Variants in KATNIP observed in about 807,000 individuals in gnomAD.
The protein encoded by KATNIP is katanin-interacting protein.
KATNIP carries 126 observed loss-of-function variants against 174.0 expected under a neutral mutation model. That is an observed-to-expected ratio of 0.72 (90% CI 0.63 to 0.84). The LOEUF (loss-of-function observed/expected upper bound fraction) is 0.84, where lower values mean the gene tolerates loss of function less well. Among genes scored for constraint, KATNIP ranks in the 40% least tolerant of loss-of-function variants. The probability of loss-of-function intolerance (pLI) is 0.00; values close to 1 mark genes in which losing one functional copy is unlikely to be tolerated. For missense variants in KATNIP, 1,958 were observed against 2,109.7 expected, an observed-to-expected ratio of 0.93 and a Z score of 1.41; for synonymous variants, 810 against 835.7, an observed-to-expected ratio of 0.97 and a Z score of 0.53.
intron 1 of KATNIP, among the ~76,000 whole-genome samples, chr16:27,568,709 C>T (rs1025166478): frequency 1.3e-5 from 2 of 152,002 alleles, no homozygotes; most frequent in Non-Finnish European, 2.9e-5. Context: ...GTGATCTGCC[C>T]GCCCGGGCCT....
chr16:27,769,822 C>G (rs769372996), intron 20 of KATNIP, 39 bp from the exon 21 acceptor site: 26 of 1,604,044 alleles, frequency 1.6e-5, no homozygotes, highest in Non-Finnish European at 2.0e-5. Flanking sequence ...CCCACATGGC[C>G]TGCCTCCCTT....
At chr16:27,564,420 A>C (rs536195767) in intron 1 of KATNIP, among the ~76,000 whole-genome samples, 1 of 152,194 alleles carries the variant, frequency 6.6e-6, no homozygotes, top group East Asian at 1.9e-4. Flanking sequence ...CCTAATTATG[A>C]AGCTCCCAGA....
At position 27,740,358 on chromosome 16, in the gene KATNIP, C is replaced by T; in HGVS notation, c.2061C>T (p.Cys687=). 6.2e-7 allele frequency: 1 copy of T among 1,614,142 alleles called. No homozygotes were observed. The highest frequency in any genetic ancestry group is 8.5e-7 in the Non-Finnish European group (1 of 1,179,982). The part of the protein sequence containing the change: ...VSGKRKNSTN[C]RKDSLSQLEE... ...GCAAAAGAAAGAATTCTACTAATTGCAGGAAAGACAGTTTGTCCCAGTTAG... is the reference window on the plus strand; with the variant it reads ...GCAAAAGAAAGAATTCTACTAATTGTAGGAAAGACAGTTTGTCCCAGTTAG... The change falls in exon 15 of 28, where the codon TGC becomes TGT. Residue 687 remains cysteine, a synonymous_variant. Coordinates refer to ENST00000261588, the MANE Select transcript of KATNIP (RefSeq NM_015202.5).
At chr16:27,653,577 AGTGGG>A (rs373644225) in intron 6 of KATNIP, among the ~76,000 whole-genome samples, 2,182 of 151,862 alleles carry the variant, frequency 0.014, 18 homozygotes, top group Non-Finnish European at 0.024. Flanking sequence ...ATGACCTCTG[AGTGGG>A]TGCCTTTTTA....
chr16:27,650,845 A>G (rs1273646551), intron 6 of KATNIP, among the ~76,000 whole-genome samples: 2 of 152,204 alleles, frequency 1.3e-5, no homozygotes, highest in East Asian at 3.8e-4. Flanking sequence ...TGCCCAGTCC[A>G]TTAAAGTGGG....
chr16:27,717,105 G>T lies in KATNIP; in HGVS notation c.1606-4453G>T, dbSNP rs953892623. Among the ~76,000 whole-genome samples, 29 of 152,212 alleles carry T rather than the reference G, an allele frequency of 1.9e-4. 1 individual carries two copies. Among genetic ancestry groups the T allele is most frequent in the Admixed American group, 6.5e-4 (10 of 15,294 alleles). On this transcript the variant is annotated intron_variant, in intron 13 of 27. Transcript: ENST00000261588. ...GATCCGCCCACCTCAGCCTCTCAAA[G>T]TGCTGGGATTACAGGTGTGAGCCAC...
At chr16:27,676,470 C>T (rs2078120591) in intron 6 of KATNIP, among the ~76,000 whole-genome samples, 1 of 152,152 alleles carries the variant, frequency 6.6e-6, no homozygotes, top group South Asian at 2.1e-4. Flanking sequence ...CAGGAGTTCA[C>T]AGGTTCTAGG....
intron 13 of KATNIP, among the ~76,000 whole-genome samples, chr16:27,717,075 C>T (rs1440174710): frequency 6.6e-6 from 1 of 152,150 alleles, no homozygotes; most frequent in African/African-American, 2.4e-5. Context: ...AACTCCTGAC[C>T]TCGTGATCCG....
chr16:27,760,477 A>T (rs943241036), intron 18 of KATNIP, among the ~76,000 whole-genome samples: 1 of 152,248 alleles, frequency 6.6e-6, no homozygotes, highest in South Asian at 2.1e-4. Flanking sequence ...TCTCTGATCG[A>T]GAGAGGATGG....
intron 6 of KATNIP, among the ~76,000 whole-genome samples, chr16:27,666,605 A>G (rs1295255208): frequency 6.6e-6 from 1 of 152,100 alleles, no homozygotes; most frequent in Non-Finnish European, 1.5e-5. Context: ...TTTAGTAGAG[A>G]TGGGGTTTCA....
At chr16:27,678,131 G>T in intron 7 of KATNIP, 135 bp downstream of exon 7, 2 of 996,622 alleles carry the variant, frequency 2.0e-6, no homozygotes. Context: ...TATCAGTCAG[G>T]TCTCTGTTGA....
At chr16:27,778,462 C>T (rs2082583906) in intron 27 of KATNIP, 112 bp from the exon 28 acceptor site, 1 of 1,096,330 alleles carries the variant, frequency 9.1e-7, no homozygotes, top group Non-Finnish European at 1.4e-6. Flanking sequence ...AGGGACTTTT[C>T]CAAGGGCCTT....
At chr16:27,610,221 G>C (rs1366849204) in intron 2 of KATNIP, among the ~76,000 whole-genome samples, 1 of 152,160 alleles carries the variant, frequency 6.6e-6, no homozygotes, top group South Asian at 2.1e-4. Flanking sequence ...CAGAAGGCAG[G>C]GAGGAGGCAA....
chr16:27,670,100 C>A (rs1284549308), intron 6 of KATNIP, among the ~76,000 whole-genome samples: 1 of 152,110 alleles, frequency 6.6e-6, no homozygotes, highest in Non-Finnish European at 1.5e-5. Flanking sequence ...TTCTTTATCA[C>A]AGGAAATATT....
At chr16:27,757,681 C>G (rs772658197) in intron 18 of KATNIP, 2 of 207,348 alleles carry the variant, frequency 9.6e-6, no homozygotes, top group South Asian at 1.7e-4. Flanking sequence ...CCCTCTGCGT[C>G]TGTTTTGAGG....
At chr16:27,552,386 T>C (rs1171482538) in intron 1 of KATNIP, among the ~76,000 whole-genome samples, 1 of 151,320 alleles carries the variant, frequency 6.6e-6, no homozygotes, top group Non-Finnish European at 1.5e-5. Context: ...TCTTTTTTTT[T>C]TTTTTTTTGA....
At chr16:27,640,831 G>A (rs747417638) in intron 5 of KATNIP, among the ~76,000 whole-genome samples, 7 of 152,160 alleles carry the variant, frequency 4.6e-5, no homozygotes, top group African/African-American at 1.4e-4. Flanking sequence ...AAGGGAAGAC[G>A]GGAAAACCAC....
At chr16:27,709,577 T>G (rs2079481496) in intron 13 of KATNIP, among the ~76,000 whole-genome samples, 1 of 152,160 alleles carries the variant, frequency 6.6e-6, no homozygotes, top group South Asian at 2.1e-4. Flanking sequence ...AAGCCGAGAT[T>G]GCAGTAAGCC....
At chr16:27,606,803 C>G (rs200348618) in intron 2 of KATNIP, among the ~76,000 whole-genome samples, 2 of 151,748 alleles carry the variant, frequency 1.3e-5, no homozygotes, top group Non-Finnish European at 2.9e-5. Flanking sequence ...TGGGCTCAAG[C>G]GATCCTCCCA....
Sources: allele counts gnomAD v4.1 joint callset (sites outside exome capture counted in the v4.1 genomes callset), GRCh38; gene constraint gnomAD v4.1.1; transcripts MANE v1.5; gene names NCBI Gene and HGNC (gene_info 2026-07-23, HGNC 2026-07-21).